Variants in THRB observed in about 807,000 individuals in gnomAD.
THRB encodes the protein thyroid hormone receptor beta.
Under a neutral mutation model 47.8 loss-of-function variants are expected in THRB, and 12 were observed. The observed-to-expected ratio is 0.25, with a 90% CI of 0.16 to 0.41. THRB has a LOEUF of 0.41. Among genes scored for constraint, THRB ranks in the 10% least tolerant of loss-of-function variants. The pLI, the probability that THRB is intolerant of heterozygous loss-of-function variation, is 1.00. For missense variants in THRB, 348 were observed against 589.2 expected (o/e 0.59, Z 4.24); for synonymous variants, 218 against 212.2 (o/e 1.03, Z -0.24).
At chr3:24,218,882 TA>T (rs946606988) in intron 4 of THRB, among the ~76,000 whole-genome samples, 17 of 152,218 alleles carry the variant, frequency 1.1e-4, no homozygotes, top group South Asian at 4.2e-4. Context: ...CTCATTTATT[TA>T]AAAAAATTAA....
intron 1 of THRB, among the ~76,000 whole-genome samples, chr3:24,400,952 A>G (rs2067345725): frequency 6.6e-6 from 1 of 152,066 alleles, no homozygotes; most frequent in Non-Finnish European, 1.5e-5. Flanking sequence ...GATTTTTGGC[A>G]TAATTACAGG....
At chr3:24,209,056 T>C (rs899417948) in intron 4 of THRB, among the ~76,000 whole-genome samples, 19 of 152,226 alleles carry the variant, frequency 1.2e-4, no homozygotes, top group Admixed American at 5.9e-4. Context: ...AAAGAAGACA[T>C]TTTTGCAGCC....
intron 3 of THRB, among the ~76,000 whole-genome samples, chr3:24,233,060 G>A (rs1376882867): frequency 6.6e-6 from 1 of 152,162 alleles, no homozygotes; most frequent in South Asian, 2.1e-4. Flanking sequence ...GCCCAGTGCT[G>A]TGTCCCTTAA....
chr3:24,258,522 CG>C (rs994134537), intron 3 of THRB, among the ~76,000 whole-genome samples: 1 of 152,126 alleles, frequency 6.6e-6, no homozygotes, highest in African/African-American at 2.4e-5. Flanking sequence ...TAGTACCATA[CG>C]GGTAATCATC....
chr3:24,184,363 G>C (rs1190198629), intron 5 of THRB, among the ~76,000 whole-genome samples: 4 of 152,190 alleles, frequency 2.6e-5, no homozygotes, highest in Non-Finnish European at 5.9e-5. Context: ...GGTTGGGTAC[G>C]TCTGCATCCT....
At chr3:24,199,612 G>A (rs530144572) in intron 4 of THRB, among the ~76,000 whole-genome samples, 1 of 152,232 alleles carries the variant, frequency 6.6e-6, no homozygotes, top group South Asian at 2.1e-4. Flanking sequence ...CTATCCTAAT[G>A]AAAAACAATC....
intron 3 of THRB, among the ~76,000 whole-genome samples, chr3:24,236,533 T>A (rs546276057): frequency 6.6e-6 from 1 of 152,210 alleles, no homozygotes; most frequent in Non-Finnish European, 1.5e-5. Context: ...GAACTGAAAC[T>A]CTTGCCTGGT....
intron 1 of THRB, among the ~76,000 whole-genome samples, chr3:24,378,435 G>A (rs2149816250): frequency 6.6e-6 from 1 of 152,224 alleles, no homozygotes; most frequent in African/African-American, 2.4e-5. Context: ...TATTCCTACT[G>A]TATTTGCAAA....
At chr3:24,270,180 A>G (rs985684467) in intron 3 of THRB, among the ~76,000 whole-genome samples, 1 of 152,216 alleles carries the variant, frequency 6.6e-6, no homozygotes, top group Non-Finnish European at 1.5e-5. Flanking sequence ...TCTTTTTAAT[A>G]ATTGGTCTTG....
At chr3:24,211,963 T>A (rs1185451064) in intron 4 of THRB, among the ~76,000 whole-genome samples, 1 of 152,194 alleles carries the variant, frequency 6.6e-6, no homozygotes, top group East Asian at 1.9e-4. Context: ...TCAACTTTAT[T>A]TATAGAAAAG....
At position 24,483,269 on chromosome 3, in the gene THRB, G is replaced by A. The variant is rs368664356; in HGVS notation, c.-261+11383C>T. 3.3e-5 allele frequency among the ~76,000 whole-genome samples: 5 copies of A among 152,128 alleles called. No individual in the cohort carries two copies. In the South Asian group the frequency reaches 1.0e-3, roughly 32 times the overall value. ...AACAAGCAAATATTCTTTTGGATTA[G>A]AAAAGTGTGTGTCCCATTATAGTAA... On this transcript the variant is annotated intron_variant, in intron 1 of 10. Coordinates refer to ENST00000646209, the MANE Select transcript of THRB (RefSeq NM_001354712.2).
intron 2 of THRB, among the ~76,000 whole-genome samples, chr3:24,299,336 A>G (rs1051268247): frequency 3.3e-5 from 5 of 151,908 alleles, no homozygotes; most frequent in Non-Finnish European, 5.9e-5. Flanking sequence ...AGAATCATGC[A>G]TTATAACTAA....
chr3:24,421,380 T>C (rs1354993623), intron 1 of THRB, among the ~76,000 whole-genome samples: 4 of 151,686 alleles, frequency 2.6e-5, no homozygotes, highest in Admixed American at 6.6e-5. Flanking sequence ...AAAACCTCTT[T>C]AAGGCTTGTA....
At position 24,121,946 on chromosome 3, in the gene THRB, T is replaced by C. The variant is rs998089231; in HGVS notation, c.*938A>G. The C allele has an allele frequency of 4.6e-5, 7 of 152,784 alleles. No homozygotes were observed. The highest frequency in any genetic ancestry group is 2.1e-4 in the South Asian group (1 of 4,828). 9.5% of individuals were successfully genotyped at this position (152,784 alleles called of 1,614,324 possible). ...TTCCTTGATTAGAATATTTGATCCA[T>C]AGAGAAATCTGTTGTCAGCTCAGCA... On this transcript the variant is annotated 3_prime_UTR_variant, in exon 11 of 11. Coordinates refer to ENST00000646209, the MANE Select transcript of THRB (RefSeq NM_001354712.2).
chr3:24,346,689 A>G (rs1481185956), intron 1 of THRB, among the ~76,000 whole-genome samples: 1 of 152,070 alleles, frequency 6.6e-6, no homozygotes, highest in African/African-American at 2.4e-5. Flanking sequence ...GAGATAAAAA[A>G]GACATTTCAT....
At chr3:24,336,172 G>C (rs2062236513) in intron 2 of THRB, among the ~76,000 whole-genome samples, 1 of 152,180 alleles carries the variant, frequency 6.6e-6, no homozygotes, top group Non-Finnish European at 1.5e-5. Context: ...ACTATGGCTG[G>C]TCCTCTCTAG....
At chr3:24,243,966 G>T (rs1198660035) in intron 3 of THRB, among the ~76,000 whole-genome samples, 1 of 152,100 alleles carries the variant, frequency 6.6e-6, no homozygotes, top group Non-Finnish European at 1.5e-5. Context: ...AGATTTTGAG[G>T]AAACACTTAT....
intron 5 of THRB, among the ~76,000 whole-genome samples, chr3:24,185,166 C>T (rs1025877320): frequency 6.6e-6 from 1 of 152,054 alleles, no homozygotes; most frequent in Non-Finnish European, 1.5e-5. Context: ...ATCTTGAGGA[C>T]TGGTTTAATA....
intron 1 of THRB, among the ~76,000 whole-genome samples, chr3:24,479,043 A>G (rs1316045315): frequency 6.6e-6 from 1 of 152,190 alleles, no homozygotes; most frequent in Non-Finnish European, 1.5e-5. Flanking sequence ...TAACGCCTGT[A>G]ATCCCAGCAC....
Sources: allele counts gnomAD v4.1 joint callset (sites outside exome capture counted in the v4.1 genomes callset), GRCh38; gene constraint gnomAD v4.1.1; transcripts MANE v1.5; gene names NCBI Gene and HGNC (gene_info 2026-07-23, HGNC 2026-07-21).